Variants in WDR35 observed in about 807,000 individuals in gnomAD.
WDR35 encodes the protein WD repeat-containing protein 35.
In WDR35, 118 loss-of-function variants were observed where a neutral mutation model predicts 158.3. The observed-to-expected ratio is 0.75, with a 90% CI of 0.64 to 0.87. The LOEUF (loss-of-function observed/expected upper bound fraction) is 0.87, where lower values mean the gene tolerates loss of function less well. Among genes scored for constraint, WDR35 ranks in the 40% least tolerant of loss-of-function variants. WDR35 has a pLI of 0.00. For synonymous variants in WDR35, 448 were observed against 476.1 expected (o/e 0.94, Z 0.77); for missense variants, 1,263 against 1,405.8 (o/e 0.90, Z 1.62).
At chr2:19,984,137 T>G (rs1178599706) in intron 2 of WDR35, among the ~76,000 whole-genome samples, 1 of 151,902 alleles carries the variant, frequency 6.6e-6, no homozygotes, top group Non-Finnish European at 1.5e-5. Context: ...TGCCCTCTGT[T>G]AGACCATAAG....
intron 9 of WDR35, among the ~76,000 whole-genome samples, chr2:19,968,383 A>G (rs1311384137): frequency 1.3e-5 from 2 of 152,226 alleles, no homozygotes; most frequent in Non-Finnish European, 2.9e-5. Flanking sequence ...GGAGAAGGCA[A>G]TACCTAAGTA....
At chr2:19,966,675 A>T in intron 10 of WDR35, 49 bp downstream of exon 10, 1 of 1,596,948 alleles carries the variant, frequency 6.3e-7, no homozygotes, top group South Asian at 1.1e-5. Flanking sequence ...GAAAACTATA[A>T]CCCAAGCAGT....
intron 6 of WDR35, among the ~76,000 whole-genome samples, chr2:19,975,141 A>G (rs16987265): frequency 0.087 from 13,188 of 152,248 alleles, 734 homozygotes; most frequent in South Asian, 0.2. Flanking sequence ...ACAAACAACC[A>G]TTGGTAGCTT....
intron 17 of WDR35, among the ~76,000 whole-genome samples, chr2:19,939,616 T>C (rs1487644333): frequency 6.6e-6 from 1 of 152,180 alleles, no homozygotes; most frequent in Non-Finnish European, 1.5e-5. Flanking sequence ...CAAATCCATA[T>C]TTCCATATAT....
At chr2:19,940,367 A>G (rs1238452962) in intron 17 of WDR35, among the ~76,000 whole-genome samples, 1 of 152,058 alleles carries the variant, frequency 6.6e-6, no homozygotes. Context: ...ACCCTGCTGA[A>G]AAAAAAACAA....
chr2:19,926,622 T>C (rs1187128003), intron 25 of WDR35, among the ~76,000 whole-genome samples: 2 of 152,334 alleles, frequency 1.3e-5, no homozygotes, highest in East Asian at 1.9e-4. Flanking sequence ...GAATCTAGCA[T>C]TATTAACTTT....
chr2:19,971,401 T>C (rs1358326596), intron 8 of WDR35, among the ~76,000 whole-genome samples: 1 of 152,136 alleles, frequency 6.6e-6, no homozygotes, highest in Non-Finnish European at 1.5e-5. Context: ...GGGAATTAGG[T>C]CCCCTCTTGT....
chr2:19,927,852 G>A (rs1268684014), intron 25 of WDR35, among the ~76,000 whole-genome samples: 1 of 152,210 alleles, frequency 6.6e-6, no homozygotes, highest in Admixed American at 6.5e-5. Context: ...TGGAAGCCCT[G>A]TAATTTCAAT....
intron 9 of WDR35, 30 bp downstream of exon 9, chr2:19,969,450 G>C (rs1197754756): frequency 1.9e-6 from 3 of 1,594,846 alleles, no homozygotes; most frequent in Non-Finnish European, 2.6e-6. Context: ...AAGAAACACT[G>C]TTTATTTTAC....
chr2:19,932,791 A>G (rs1259702051), intron 22 of WDR35, among the ~76,000 whole-genome samples: 2 of 152,190 alleles, frequency 1.3e-5, no homozygotes, highest in Non-Finnish European at 2.9e-5. Context: ...ATGCAATTTC[A>G]GTTGTGAAAA....
intron 20 of WDR35, 68 bp downstream of exon 20, chr2:19,936,151 T>C (rs1194667738): frequency 1.3e-6 from 2 of 1,599,738 alleles, no homozygotes; most frequent in Non-Finnish European, 1.7e-6. Flanking sequence ...GATTACTTCC[T>C]AGAGAAGTAC....
rs778026106 is a variant in WDR35 at position 19,938,351 on chromosome 2, A to G, written c.1977T>C (p.Ser659=). ...KDYLINFEIR[S]LRDSRALIEK... ...CAATCAGTGCTCGGCTATCTCGCAG[A>G]GACCGAATCTCAAAGTTAATTAGGT... Residue 659 remains serine, a synonymous_variant, in exon 18 of 27, where the codon TCT becomes TCC. Coordinates refer to ENST00000281405, the MANE Select transcript of WDR35 (RefSeq NM_020779.4). 6.2e-7 allele frequency: 1 copy of G among 1,614,120 alleles called. No homozygotes were observed. The highest frequency in any genetic ancestry group is 1.1e-5 in the South Asian group (1 of 91,080).
At chr2:19,938,930 T>C (rs1373993114) in intron 17 of WDR35, among the ~76,000 whole-genome samples, 5 of 152,192 alleles carry the variant, frequency 3.3e-5, no homozygotes, top group Admixed American at 3.3e-4. Flanking sequence ...AACTGTGTCT[T>C]ATTGGCTGTT....
chr2:19,989,281 A>G lies in WDR35; in HGVS notation c.26T>C (p.Ile9Thr), dbSNP rs757969524. 6.2e-7 allele frequency: 1 copy of G among 1,614,196 alleles called. No homozygotes were observed. Among genetic ancestry groups the G allele is most frequent in the Non-Finnish European group, 8.5e-7 (1 of 1,179,998 alleles). Reference protein sequence around the residue: MFFYLSKKISIPNNVKLQC... With the variant: MFFYLSKKTSIPNNVKLQC... ...CAGCTTCACGTTATTGGGAATGGAA[A>G]TCTGAAAAAGCAACCACAGCCGCAC... Residue 9 changes from isoleucine (I) to threonine (T), a missense_variant and splice_region_variant, in exon 2 of 27, where the codon ATT becomes ACT. Transcript: ENST00000281405.
At chr2:19,923,773 C>G (rs1464961902) in intron 25 of WDR35, among the ~76,000 whole-genome samples, 2 of 152,156 alleles carry the variant, frequency 1.3e-5, no homozygotes, top group Non-Finnish European at 2.9e-5. Flanking sequence ...AATACACCCC[C>G]CAGAACAACG....
At chr2:19,926,382 A>C (rs532750243) in intron 25 of WDR35, among the ~76,000 whole-genome samples, 71 of 152,350 alleles carry the variant, frequency 4.7e-4, no homozygotes, top group Admixed American at 1.2e-3. Context: ...TCAAAAGGTT[A>C]AGTTTTCCAG....
chr2:19,957,662 C>T (rs968640595), intron 11 of WDR35, among the ~76,000 whole-genome samples: 1 of 151,838 alleles, frequency 6.6e-6, no homozygotes, highest in African/African-American at 2.4e-5. Context: ...AAGCGATTCT[C>T]CTGCCACAGC....
In WDR35 at chr2:19,951,463, G is replaced by T; in HGVS notation, c.1422C>A (p.Thr474=). Residue 474 remains threonine (T), a synonymous_variant, in exon 13 of 27, where the codon ACC becomes ACA. Transcript: ENST00000281405. The part of the protein sequence containing the change: ...GRERIYHVDD[T]PSGSMDGVLD... ...GCACACCATCCATTGATCCAGAAGG[G>T]GTATCATCAACATGATAAATTCTGC... The T allele has an allele frequency of 6.2e-7, 1 of 1,610,122 alleles. No homozygotes were observed. The highest frequency in any genetic ancestry group is 8.5e-7 in the Non-Finnish European group (1 of 1,177,860).
chr2:19,922,072 G>T (rs577117583), intron 25 of WDR35, among the ~76,000 whole-genome samples: 1 of 152,310 alleles, frequency 6.6e-6, no homozygotes, highest in South Asian at 2.1e-4. Context: ...GGAAACAACA[G>T]ATGCTAGAGA....
Sources: gnomAD v4.1 joint callset for allele counts (sites outside exome capture counted in the v4.1 genomes callset) on GRCh38, gnomAD v4.1.1 for gene constraint, MANE v1.5 for transcripts, NCBI Gene and HGNC (gene_info 2026-07-23, HGNC 2026-07-21) for gene names.